NTNG1: variants seen among roughly 807,000 people sequenced by gnomAD.
NTNG1 encodes the protein netrin-G1.
In NTNG1, 16 loss-of-function variants were observed where a neutral mutation model predicts 54.0. That is an observed-to-expected ratio of 0.30 (90% CI 0.20 to 0.45). The LOEUF (loss-of-function observed/expected upper bound fraction) is 0.45. Among genes scored for constraint, NTNG1 ranks in the 20% least tolerant of loss-of-function variants. The probability of loss-of-function intolerance (pLI) is 1.00; values close to 1 mark genes in which losing one functional copy is unlikely to be tolerated. For missense variants in NTNG1, 530 were observed against 678.7 expected, an observed-to-expected ratio of 0.78 and a Z score of 2.43; for synonymous variants, 255 against 263.1, an observed-to-expected ratio of 0.97 and a Z score of 0.30.
intron 7 of NTNG1, among the ~76,000 whole-genome samples, chr1:107,473,361 G>A (rs1002903532): frequency 2.6e-5 from 4 of 152,092 alleles, no homozygotes; most frequent in Non-Finnish European, 5.9e-5. Flanking sequence ...ATGACCTTAG[G>A]GGAACAAGTG....
intron 2 of NTNG1, among the ~76,000 whole-genome samples, chr1:107,198,299 T>C (rs1236490649): frequency 6.6e-6 from 1 of 151,942 alleles, no homozygotes; most frequent in Non-Finnish European, 1.5e-5. Context: ...GAGACAGGAT[T>C]AAGTAGGGAA....
chr1:107,157,325 C>G (rs1655074468), intron 2 of NTNG1, among the ~76,000 whole-genome samples: 1 of 152,120 alleles, frequency 6.6e-6, no homozygotes, highest in African/African-American at 2.4e-5. Context: ...CCTTCTATTC[C>G]TAGGCATTTC....
intron 3 of NTNG1, among the ~76,000 whole-genome samples, chr1:107,353,677 G>T (rs1570747235): frequency 6.6e-6 from 1 of 152,232 alleles, no homozygotes; most frequent in South Asian, 2.1e-4. Context: ...TTATGGCAAT[G>T]CCCCACTCCT....
intron 2 of NTNG1, among the ~76,000 whole-genome samples, chr1:107,218,585 G>A (rs1039577183): frequency 6.7e-6 from 1 of 148,946 alleles, no homozygotes; most frequent in Non-Finnish European, 1.5e-5. Flanking sequence ...TTCTATTTTG[G>A]TGTATTTCAC....
intron 2 of NTNG1, among the ~76,000 whole-genome samples, chr1:107,295,687 T>C (rs187206446): frequency 2.7e-4 from 41 of 152,238 alleles, no homozygotes; most frequent in Admixed American, 5.9e-4. Flanking sequence ...AGGCATTTAA[T>C]AAATTGTAGC....
chr1:107,336,025 T>C (rs1303406591), intron 3 of NTNG1, among the ~76,000 whole-genome samples: 1 of 151,914 alleles, frequency 6.6e-6, no homozygotes, highest in East Asian at 1.9e-4. Context: ...TGTACAGATT[T>C]AATAGAATCT....
At chr1:107,392,678 T>A (rs1672437019) in intron 3 of NTNG1, among the ~76,000 whole-genome samples, 1 of 151,896 alleles carries the variant, frequency 6.6e-6, no homozygotes. Context: ...GATGAGAGAA[T>A]GGAGATGGCA....
At chr1:107,434,237 T>C (rs1290047967) in intron 6 of NTNG1, among the ~76,000 whole-genome samples, 1 of 152,226 alleles carries the variant, frequency 6.6e-6, no homozygotes, top group Non-Finnish European at 1.5e-5. Context: ...ATAGATGTTG[T>C]AAAATACTTG....
At chr1:107,361,386 TA>T (rs1198225275) in intron 3 of NTNG1, among the ~76,000 whole-genome samples, 2 of 75,392 alleles carry the variant, frequency 2.7e-5, no homozygotes, top group African/African-American at 8.2e-5. Flanking sequence ...TATATATATA[TA>T]TATATTTTTT....
chr1:107,295,825 T>C (rs1191709570), intron 2 of NTNG1, among the ~76,000 whole-genome samples: 2 of 152,100 alleles, frequency 1.3e-5, no homozygotes, highest in Non-Finnish European at 2.9e-5. Context: ...TTTCAAGTAG[T>C]ATTACACTTA....
rs557913083 is a variant in NTNG1 at position 107,303,848 on chromosome 1, G to A, written c.247-20434G>A. On this transcript the variant is annotated intron_variant, in intron 2 of 7. Transcript: ENST00000370068. ...ACTACAGGCGCACGCCACCACACCT[G>A]GCTAATTTTTTGTATGATAGTACAA... 1.7e-3 allele frequency among the ~76,000 whole-genome samples: 256 copies of A among 152,116 alleles called. 1 individual carries two copies. The highest frequency in any genetic ancestry group is 0.017 in the Admixed American group (253 of 15,278).
chr1:107,297,043 C>T (rs1665983963), intron 2 of NTNG1, among the ~76,000 whole-genome samples: 1 of 147,454 alleles, frequency 6.8e-6, no homozygotes, highest in Non-Finnish European at 1.5e-5. Flanking sequence ...CCCAGTGGAG[C>T]AAGTACTATC....
Position 107,332,851 on chromosome 1 carries a change from A to C in NTNG1, c.887+7929A>C, listed in dbSNP as rs560845834. 1.1e-4 allele frequency among the ~76,000 whole-genome samples: 17 copies of C among 152,192 alleles called. No individual in the cohort carries two copies. In the East Asian group the frequency reaches 1.5e-3, roughly 14 times the overall value. On this transcript the variant is annotated intron_variant, in intron 3 of 7. Transcript: ENST00000370068. ...CCAGAAATGACTGCACTGCATAAAA[A>C]CTCATGGTTACTATTTCTACCTCCC...
At chr1:107,469,097 CAAA>C (rs35394442) in intron 7 of NTNG1, among the ~76,000 whole-genome samples, 31 of 115,602 alleles carry the variant, frequency 2.7e-4, no homozygotes, top group African/African-American at 9.9e-4. Flanking sequence ...AACTCCATTT[CAAA>C]AAAAAAAAAA....
At chr1:107,441,250 G>T (rs970009104) in intron 7 of NTNG1, among the ~76,000 whole-genome samples, 3 of 152,078 alleles carry the variant, frequency 2.0e-5, no homozygotes, top group Non-Finnish European at 4.4e-5. Flanking sequence ...CAGTTTGGGA[G>T]GTAGAAATAG....
At chr1:107,253,217 T>G (rs1319416504) in intron 2 of NTNG1, among the ~76,000 whole-genome samples, 1 of 152,182 alleles carries the variant, frequency 6.6e-6, no homozygotes, top group Non-Finnish European at 1.5e-5. Flanking sequence ...AATTGAGGCT[T>G]AATGCCACTG....
intron 2 of NTNG1, among the ~76,000 whole-genome samples, chr1:107,204,875 A>G (rs1330643659): frequency 6.6e-6 from 1 of 152,134 alleles, no homozygotes; most frequent in East Asian, 1.9e-4. Context: ...TCCTCAGTCC[A>G]GAACTAAGGC....
At chr1:107,311,600 T>C (rs17018749) in intron 2 of NTNG1, among the ~76,000 whole-genome samples, 4,190 of 152,244 alleles carry the variant, frequency 0.028, 192 homozygotes, top group African/African-American at 0.095. Context: ...TCTTTAAGCT[T>C]GATTATGTCA....
chr1:107,404,086 TA>T (rs1411394574), intron 4 of NTNG1, among the ~76,000 whole-genome samples: 1 of 147,984 alleles, frequency 6.8e-6, no homozygotes, highest in Non-Finnish European at 1.5e-5. Context: ...TTAATTTATA[TA>T]TATATATATA....
Sources: gnomAD v4.1 joint callset for allele counts (sites outside exome capture counted in the v4.1 genomes callset) on GRCh38, gnomAD v4.1.1 for gene constraint, MANE v1.5 for transcripts, NCBI Gene and HGNC (gene_info 2026-07-23, HGNC 2026-07-21) for gene names.